Variants in MAP3K4 observed in about 807,000 individuals in gnomAD.
The protein encoded by MAP3K4 is MAP three kinase 1.
MAP3K4 carries 67 observed loss-of-function variants against 185.6 expected under a neutral mutation model. That is an observed-to-expected ratio of 0.36 (90% confidence interval 0.30 to 0.44). The LOEUF is 0.44. MAP3K4 is among the 20% of genes least tolerant of loss of function. The pLI is 1.00. For synonymous variants in MAP3K4, 702 were observed against 710.4 expected (o/e 0.99, Z 0.19); for missense variants, 1,551 against 1,995.1 (o/e 0.78, Z 4.24).
intron 1 of MAP3K4, among the ~76,000 whole-genome samples, chr6:161,015,756 A>C (rs1288703861): frequency 6.6e-6 from 1 of 152,108 alleles, no homozygotes; most frequent in Non-Finnish European, 1.5e-5. Flanking sequence ...GCTTGCTAGC[A>C]CTCATAGAGA....
chr6:161,104,715 A>AAG lies in MAP3K4; in HGVS notation c.3857-1798_3857-1797insGA, dbSNP rs1292142906. Among the ~76,000 whole-genome samples, 3 of 151,104 alleles carry AAG rather than the reference A, an allele frequency of 2.0e-5. No individual in the cohort carries two copies. In the East Asian group the frequency reaches 5.8e-4, roughly 29 times the overall value. On this transcript the variant is annotated intron_variant, in intron 19 of 26. Transcript: ENST00000392142. ...ACAGAGGGAGACTCCATCTCAAAAA[A>AAG]AAAAAAAAAAGGAATCTTGAGAAAT...
chr6:161,102,763 A>G lies in MAP3K4; in HGVS notation c.3840A>G (p.Leu1280=), dbSNP rs780918644. The G allele has an allele frequency of 6.3e-7, 1 of 1,583,848 alleles. No homozygotes were observed. The highest frequency in any genetic ancestry group is 8.6e-7 in the Non-Finnish European group (1 of 1,162,760). ...GAAGAAGTTGGGAACTTCGGACACT[A>G]ATCAGCCAGAGTAAAGGTGAGAGAA... ...STRRSWELRT[L]ISQSKDTASK... Residue 1280 remains leucine, a synonymous_variant, in exon 19 of 27, where the codon CTA becomes CTG. Coordinates refer to ENST00000392142, the MANE Select transcript of MAP3K4 (RefSeq NM_005922.4).
chr6:160,991,856 G>T lies in MAP3K4; in HGVS notation c.-76G>T. On this transcript the variant is annotated 5_prime_UTR_variant, in exon 1 of 27. Coordinates refer to ENST00000392142, the MANE Select transcript of MAP3K4 (RefSeq NM_005922.4). This position sits in a 1 kb window ranked among gnomAD's most constrained non-coding sequence, Gnocchi z 5.7. Reference sequence around the variant, plus strand: ...GCGGAGGCGGAGTCGAGTCACTCCCGCACTTCGGGGCTCCGGTGCCCCGCG... The same window carrying T: ...GCGGAGGCGGAGTCGAGTCACTCCCTCACTTCGGGGCTCCGGTGCCCCGCG... The T allele has an allele frequency of 7.1e-7, 1 of 1,409,354 alleles. No individual in the cohort carries two copies. Among genetic ancestry groups the T allele is most frequent in the South Asian group, 1.5e-5 (1 of 64,816 alleles). 87.3% of individuals were successfully genotyped at this position (1,409,354 alleles called of 1,614,324 possible). A position where few individuals can be genotyped will look rare whatever the true frequency, so the allele number is the denominator to read the frequency against.
intron 2 of MAP3K4, among the ~76,000 whole-genome samples, chr6:161,039,627 A>G (rs546236533): frequency 1.3e-5 from 2 of 152,348 alleles, no homozygotes; most frequent in South Asian, 4.1e-4. Context: ...GCAAATCATT[A>G]CCAGTGACAT....
intron 1 of MAP3K4, among the ~76,000 whole-genome samples, chr6:161,012,825 G>C (rs1781911537): frequency 6.6e-6 from 1 of 150,940 alleles, no homozygotes; most frequent in South Asian, 2.1e-4. Context: ...GGTCCTTTAG[G>C]CTGAGGTAGG....
rs907472996 is a variant in MAP3K4, at chr6:161,110,005, A to G, written c.4396+91A>G. 98 of 1,344,604 alleles carry G rather than the reference A, an allele frequency of 7.3e-5. No homozygotes were observed. Among genetic ancestry groups the G allele is most frequent in the Non-Finnish European group, 9.2e-5 (88 of 955,510 alleles). 83.3% of individuals were successfully genotyped at this position (1,344,604 alleles called of 1,614,324 possible). A position where few individuals can be genotyped will look rare whatever the true frequency, so the allele number is the denominator to read the frequency against. ...CTGAAGACGCTCATCCCATTCCCAC[A>G]TATGATTTCTCTAGATGGAAATACC... On this transcript the variant is annotated intron_variant, in intron 23 of 26. Coordinates refer to ENST00000392142, the MANE Select transcript of MAP3K4 (RefSeq NM_005922.4). The surrounding 1 kb of genome is among the most constrained non-coding windows in gnomAD (Gnocchi z 4.8).
chr6:161,111,057 G>A (rs943113468), intron 23 of MAP3K4, among the ~76,000 whole-genome samples: 4 of 152,212 alleles, frequency 2.6e-5, no homozygotes, highest in African/African-American at 7.2e-5. Context: ...ACAGTCGCTC[G>A]AGAAGATCAA....
At position 161,093,836 on chromosome 6, in the gene MAP3K4, A is replaced by G. The variant is rs768485083; in HGVS notation, c.3412A>G (p.Thr1138Ala). ...CATAGGAAAACCACACAGTCCTGTT[A>G]CAGGTTTGTACCTTGGTAAGACAGC... ...HVIGKPHSPV[T>A]GLYLAIHRNS... is the part of the protein sequence containing the mutation. The change falls in exon 15 of 27, where the codon ACA (threonine) becomes GCA (alanine). Residue 1138 changes from threonine (T) to alanine (A), a missense_variant. Coordinates refer to ENST00000392142, the MANE Select transcript of MAP3K4 (RefSeq NM_005922.4). This position sits in a 1 kb window ranked among gnomAD's most constrained non-coding sequence, Gnocchi z 5.2. 1 of 1,613,060 alleles carries G rather than the reference A, an allele frequency of 6.2e-7. No homozygotes were observed. Among genetic ancestry groups the G allele is most frequent in the East Asian group, 2.2e-5 (1 of 44,858 alleles).
At chr6:161,078,587 G>A (rs1785287805) in intron 5 of MAP3K4, among the ~76,000 whole-genome samples, 2 of 152,178 alleles carry the variant, frequency 1.3e-5, no homozygotes, top group South Asian at 4.1e-4. Flanking sequence ...ATTATCAGGT[G>A]TTTGAACTGG....
chr6:161,020,947 C>T (rs1782359205), intron 1 of MAP3K4, among the ~76,000 whole-genome samples: 1 of 152,164 alleles, frequency 6.6e-6, no homozygotes, highest in African/African-American at 2.4e-5. Flanking sequence ...TGTGTTCAAC[C>T]ACAATTACCA....
At chr6:161,030,411 C>A (rs536537827) in intron 1 of MAP3K4, among the ~76,000 whole-genome samples, 1 of 151,868 alleles carries the variant, frequency 6.6e-6, no homozygotes, top group African/African-American at 2.4e-5. Flanking sequence ...TGGTTTGGAT[C>A]ATATATTTTT....
intron 1 of MAP3K4, among the ~76,000 whole-genome samples, chr6:160,999,021 A>C (rs75458670): frequency 0.043 from 6,511 of 152,362 alleles, 176 homozygotes; most frequent in Non-Finnish European, 0.063. Context: ...CCACGTGTTT[A>C]TAAATTAGCA....
chr6:161,021,989 T>G (rs753513556), intron 1 of MAP3K4, among the ~76,000 whole-genome samples: 6 of 152,230 alleles, frequency 3.9e-5, no homozygotes, highest in African/African-American at 1.2e-4. Context: ...ATTTATATCT[T>G]CTTTGTCTCA....
rs1784087732 is a variant in MAP3K4, at chr6:161,053,317, C to G, written c.1707+3338C>G. On this transcript the variant is annotated intron_variant, in intron 3 of 26. Transcript: ENST00000392142. This position sits in a 1 kb window ranked among gnomAD's most constrained non-coding sequence, Gnocchi z 4.2. ...GATGGTACTAAACGGTCACCTCCCA[C>G]CAGGCCCCACCCCCAACATTGGGGA... Among the ~76,000 whole-genome samples, 1 of 152,184 alleles carries G rather than the reference C, an allele frequency of 6.6e-6. No homozygotes were observed. The highest frequency in any genetic ancestry group is 1.5e-5 in the Non-Finnish European group (1 of 68,034).
In MAP3K4 at chr6:161,117,021, CTGTT is replaced by C; in HGVS notation, c.*155_*158del. On this transcript the variant is annotated 3_prime_UTR_variant, in exon 27 of 27. Coordinates refer to ENST00000392142, the MANE Select transcript of MAP3K4 (RefSeq NM_005922.4). Reference sequence around the variant, plus strand: ...ACAAGCGTCACTTCTCCTGCTGCTCCTGTTTGTCTGATGTGGCAAAAGGCCCTCT... The same window carrying C: ...ACAAGCGTCACTTCTCCTGCTGCTCCTGTCTGATGTGGCAAAAGGCCCTCT... 1.4e-6 allele frequency: 1 copy of C among 713,668 alleles called. No homozygotes were observed. Among genetic ancestry groups the C allele is most frequent in the Non-Finnish European group, 2.3e-6 (1 of 427,696 alleles). 44.2% of individuals were successfully genotyped at this position (713,668 alleles called of 1,614,324 possible).
At chr6:161,095,488 A>G (rs1287759136) in intron 15 of MAP3K4, among the ~76,000 whole-genome samples, 1 of 152,248 alleles carries the variant, frequency 6.6e-6, no homozygotes, top group Non-Finnish European at 1.5e-5. Context: ...CACATAACAA[A>G]TAACAACCTG....
chr6:161,038,064 C>G (rs758995621), intron 2 of MAP3K4, among the ~76,000 whole-genome samples: 1 of 152,006 alleles, frequency 6.6e-6, no homozygotes, highest in Non-Finnish European at 1.5e-5. Context: ...GCCTTTCTCA[C>G]GCTTTCTCTC....
chr6:161,029,495 A>G (rs1782822700), intron 1 of MAP3K4, among the ~76,000 whole-genome samples: 1 of 152,204 alleles, frequency 6.6e-6, no homozygotes, highest in Admixed American at 6.5e-5. Flanking sequence ...CCTAGACCAG[A>G]CTGTAGTGTA....
Position 161,048,610 on chromosome 6 carries a change from TA to T in MAP3K4, c.344-4del. Reference sequence around the variant, plus strand: ...ATAATGTTCTGTTTATTTTTTTTTTTAATAGAAAAAATGAATGCACCAAATC... The same window carrying T: ...ATAATGTTCTGTTTATTTTTTTTTTTATAGAAAAAATGAATGCACCAAATC... On this transcript the variant is annotated splice_polypyrimidine_tract_variant and splice_region_variant and intron_variant, in intron 2 of 26. Transcript: ENST00000392142. This position sits in a 1 kb window ranked among gnomAD's most constrained non-coding sequence, Gnocchi z 4.7. The T allele has an allele frequency of 6.5e-7, 1 of 1,541,690 alleles. No homozygotes were observed. Among genetic ancestry groups the T allele is most frequent in the Non-Finnish European group, 8.7e-7 (1 of 1,146,568 alleles).
Sources: allele counts gnomAD v4.1 joint callset (sites outside exome capture counted in the v4.1 genomes callset), GRCh38; gene constraint gnomAD v4.1.1; non-coding constraint Gnocchi (gnomAD v3.1); transcripts MANE v1.5; gene names NCBI Gene and HGNC (gene_info 2026-07-23, HGNC 2026-07-21).